WRAP73: variants seen among roughly 807,000 people sequenced by gnomAD.
The protein encoded by WRAP73 is WD repeat-containing protein WRAP73.
A neutral mutation model predicts 59.6 loss-of-function variants in WRAP73; 55 were observed. The ratio of observed to expected loss-of-function variants is 0.92; its 90% CI spans 0.74 to 1.15. The LOEUF (loss-of-function observed/expected upper bound fraction) is 1.15, where lower values mean the gene tolerates loss of function less well. Among genes scored for constraint, WRAP73 ranks in the 50% most tolerant of loss-of-function variants. The pLI, the probability that WRAP73 is intolerant of heterozygous loss-of-function variation, is 0.00. For missense variants in WRAP73, 592 were observed against 608.1 expected (o/e 0.97, Z 0.28); for synonymous variants, 265 against 258.2 (o/e 1.03, Z -0.25).
chr1:3,632,415 T>G, intron 9 of WRAP73, 77 bp from the exon 10 acceptor site: 35 of 1,607,328 alleles, frequency 2.2e-5, no homozygotes, highest in Non-Finnish European at 3.0e-5. Context: ...CTGCTGTGCC[T>G]GCATCGGGCA....
chr1:3,639,231 G>A lies in WRAP73; in HGVS notation c.340-409C>T, dbSNP rs975526736. The stretch of plus-strand genomic sequence containing the variant: ...TCTGGAGATTGGATGCAGCCACTCC[G>A]GGACTCACCAGGGGGCTGTGAGCCT... On this transcript the variant is annotated intron_variant, in intron 3 of 11. Coordinates refer to ENST00000270708, the MANE Select transcript of WRAP73 (RefSeq NM_017818.4). This position sits in a 1 kb window ranked among gnomAD's most constrained non-coding sequence, Gnocchi z 4.3. 3 of 210,310 alleles carry A rather than the reference G, an allele frequency of 1.4e-5. No individual in the cohort carries two copies. Among genetic ancestry groups the A allele is most frequent in the South Asian group, 6.9e-5 (1 of 14,472 alleles). The allele number at this position is 210,310 out of a possible 1,614,324, so 13.0% of individuals were successfully genotyped here.
chr1:3,641,220 G>A (rs1167877538), intron 3 of WRAP73, among the ~76,000 whole-genome samples: 1 of 152,060 alleles, frequency 6.6e-6, no homozygotes, highest in Non-Finnish European at 1.5e-5. Context: ...GGAAGGGGCC[G>A]CTGATCCACG....
chr1:3,632,240 C>A lies in WRAP73; in HGVS notation c.1021G>T (p.Asp341Tyr). 2 of 1,614,096 alleles carry A rather than the reference C, an allele frequency of 1.2e-6. No homozygotes were observed. The highest frequency in any genetic ancestry group is 1.7e-6 in the Non-Finnish European group (2 of 1,179,972). Reference sequence around the variant, plus strand: ...TTCCTTGTCGCCAGGAAGTAGCTGTCAGGACTAAATGCCAGCATTCCTATG... The same window carrying A: ...TTCCTTGTCGCCAGGAAGTAGCTGTAAGGACTAAATGCCAGCATTCCTATG... Reference protein sequence around the residue: ...IGIGMLAFSPDSYFLATRNDN... With the variant: ...IGIGMLAFSPYSYFLATRNDN... The change falls in exon 10 of 12, where the codon GAC (aspartate) becomes TAC (tyrosine). Residue 341 changes from aspartate to tyrosine, a missense_variant. Physicochemically the swap from Asp to Tyr is radical, Grantham distance 160 (BLOSUM62 -3). Transcript: ENST00000270708.
In WRAP73 at chr1:3,636,142, C is replaced by T. The variant is rs548626308; in HGVS notation, c.517-112G>A. On this transcript the variant is annotated intron_variant, in intron 5 of 11. Coordinates refer to ENST00000270708, the MANE Select transcript of WRAP73 (RefSeq NM_017818.4). The stretch of plus-strand genomic sequence containing the variant: ...CTTAATTTCCTTATATAGAAATTGA[C>T]AAAATCTCAACAGCTCTATCCTGGA... The T allele has an allele frequency of 1.4e-4, 110 of 778,116 alleles. 1 individual carries two copies. The South Asian group carries it at 1.6e-3, about 11-fold the overall frequency. The allele number at this position is 778,116 out of a possible 1,614,324, so 48.2% of individuals were successfully genotyped here.
chr1:3,645,691 C>T (rs981646934), intron 3 of WRAP73, among the ~76,000 whole-genome samples: 1 of 152,202 alleles, frequency 6.6e-6, no homozygotes, highest in African/African-American at 2.4e-5. Flanking sequence ...AAAGACACTG[C>T]GGACACCAAA....
At chr1:3,641,362 C>A (rs932026431) in intron 3 of WRAP73, among the ~76,000 whole-genome samples, 6 of 152,114 alleles carry the variant, frequency 3.9e-5, no homozygotes. Context: ...GAGGAACAGG[C>A]CACTGATCCA....
At chr1:3,633,261 A>T (rs1176021366) in intron 9 of WRAP73, 137 bp downstream of exon 9, 3 of 799,800 alleles carry the variant, frequency 3.8e-6, no homozygotes, top group Non-Finnish European at 6.4e-6. Flanking sequence ...CAACAGGCTG[A>T]GGGGCACACT....
intron 3 of WRAP73, among the ~76,000 whole-genome samples, chr1:3,643,103 C>T (rs949498405): frequency 6.6e-6 from 1 of 152,236 alleles, no homozygotes; most frequent in Non-Finnish European, 1.5e-5. Context: ...CGCACACGTC[C>T]AGCAGGCGAG....
intron 4 of WRAP73, 67 bp from the exon 5 acceptor site, chr1:3,637,165 T>G: frequency 7.4e-7 from 1 of 1,350,046 alleles, no homozygotes; most frequent in Non-Finnish European, 1.0e-6. Flanking sequence ...ACCACAGTAG[T>G]AATTCACAAG....
At chr1:3,649,887 G>A (rs1242357286) in intron 1 of WRAP73, 44 bp downstream of exon 1, 2 of 1,562,588 alleles carry the variant, frequency 1.3e-6, no homozygotes, top group South Asian at 1.2e-5. Context: ...GGGGACGCTG[G>A]CACCGAGGAT....
At chr1:3,631,679 AC>A in intron 10 of WRAP73, 22 bp from the exon 11 acceptor site, 1 of 1,573,568 alleles carries the variant, frequency 6.4e-7, no homozygotes, top group Non-Finnish European at 8.6e-7. Context: ...AGGACAGGGC[AC>A]CGGTGTCATC....
Position 3,634,942 on chromosome 1 carries a change from T to C in WRAP73, c.816+55A>G, listed in dbSNP as rs556326149. 4.3e-5 allele frequency: 69 copies of C among 1,594,900 alleles called. No homozygotes were observed. The East Asian group carries it at 1.5e-3, about 35-fold the overall frequency. On this transcript the variant is annotated intron_variant, in intron 8 of 11. Coordinates refer to ENST00000270708, the MANE Select transcript of WRAP73 (RefSeq NM_017818.4). The stretch of plus-strand genomic sequence containing the variant: ...AAGAAAGCAAAGTGAAGGAGCAGTT[T>C]CCCACCGCCCTCCCCAACAGCCTGC...
Position 3,631,469 on chromosome 1 carries a change from C to T in WRAP73, c.1237G>A (p.Glu413Lys). 2 of 1,593,890 alleles carry T rather than the reference C, an allele frequency of 1.3e-6. No homozygotes were observed. The highest frequency in any genetic ancestry group is 1.1e-5 in the South Asian group (1 of 88,666). The change falls in exon 11 of 12, where the codon GAA becomes AAA. Residue 413 changes from glutamate to lysine, a missense_variant. Physicochemically the swap from Glu to Lys is moderately conservative, Grantham distance 56 (BLOSUM62 1). Transcript: ENST00000270708. ...AGCMSVQVPG[E>K]GDFAVLSLCW... ...GTGGCCTCGGGGATGTGCTTACCTT[C>T]CCCAGGCACCTGCACCGACATGCAG...
rs1219211584 is a variant in WRAP73, at chr1:3,639,005, G to A, written c.340-183C>T. 3.4e-5 allele frequency: 20 copies of A among 582,340 alleles called. 1 individual carries two copies. The East Asian group carries it at 4.7e-4, about 14-fold the overall frequency. The allele number at this position is 582,340 out of a possible 1,614,324, so 36.1% of individuals were successfully genotyped here. A position where few individuals can be genotyped will look rare whatever the true frequency, so the allele number is the denominator to read the frequency against. ...CAAATGCGTATTTTACTGTGGTTAC[G>A]GTAAATTTGGTGTTCTTGGTTTTCT... On this transcript the variant is annotated intron_variant, in intron 3 of 11. Transcript: ENST00000270708. This position sits in a 1 kb window ranked among gnomAD's most constrained non-coding sequence, Gnocchi z 4.3.
In WRAP73 at chr1:3,638,794, G is replaced by A. The variant is rs1176692410; in HGVS notation, c.368C>T (p.Thr123Ile). Reference sequence around the variant, plus strand: ...GTATTTGATGTAAGACACGGATTTTGTGCACAAGGACCAGACGGTTATCCG... The same window carrying A: ...GTATTTGATGTAAGACACGGATTTTATGCACAAGGACCAGACGGTTATCCG... ...HLRITVWSLC[T>I]KSVSYIKYPK... Residue 123 changes from threonine (T) to isoleucine (I), a missense_variant, in exon 4 of 12, where the codon ACA (threonine) becomes ATA (isoleucine). Physicochemically the swap from Thr to Ile is moderately conservative, Grantham distance 89. Coordinates refer to ENST00000270708, the MANE Select transcript of WRAP73 (RefSeq NM_017818.4). The A allele has an allele frequency of 6.2e-7, 1 of 1,614,174 alleles. No homozygotes were observed. The highest frequency in any genetic ancestry group is 2.2e-5 in the East Asian group (1 of 44,890).
chr1:3,637,674 T>C (rs1557458345), intron 4 of WRAP73, among the ~76,000 whole-genome samples: 1 of 152,062 alleles, frequency 6.6e-6, no homozygotes, highest in Non-Finnish European at 1.5e-5. Flanking sequence ...AAACCCCATC[T>C]CTACAAAATA....
chr1:3,631,263 T>C, intron 11 of WRAP73, 146 bp from the exon 12 acceptor site: 1 of 1,400,596 alleles, frequency 7.1e-7, no homozygotes, highest in Non-Finnish European at 9.7e-7. Context: ...CTGCCTCAAG[T>C]CAGGGAGAGG....
In WRAP73 at chr1:3,646,590, C is replaced by G. The variant is rs923446891; in HGVS notation, c.339+76G>C. On this transcript the variant is annotated intron_variant, in intron 3 of 11. Coordinates refer to ENST00000270708, the MANE Select transcript of WRAP73 (RefSeq NM_017818.4). The surrounding 1 kb of genome is among the most constrained non-coding windows in gnomAD (Gnocchi z 5.1). ...CTAGCATACTCCAAACACACCCCCTCTCGCACTCCCCAGCTGTTTCGAGAG... is the reference window on the plus strand; with the variant it reads ...CTAGCATACTCCAAACACACCCCCTGTCGCACTCCCCAGCTGTTTCGAGAG... 1.6e-6 allele frequency: 2 copies of G among 1,266,282 alleles called. No homozygotes were observed. The highest frequency in any genetic ancestry group is 3.0e-5 in the African/African-American group (2 of 66,556). The allele number at this position is 1,266,282 out of a possible 1,614,324, so 78.4% of individuals were successfully genotyped here. A position where few individuals can be genotyped will look rare whatever the true frequency, so the allele number is the denominator to read the frequency against.
intron 9 of WRAP73, 23 bp downstream of exon 9, chr1:3,633,375 A>C: frequency 6.3e-7 from 1 of 1,589,534 alleles, no homozygotes; most frequent in Non-Finnish European, 8.6e-7. Flanking sequence ...AGGAAAACAA[A>C]TGACATCACA....
Sources: gnomAD v4.1 joint callset for allele counts (sites outside exome capture counted in the v4.1 genomes callset) on GRCh38, gnomAD v4.1.1 for gene constraint, Gnocchi (gnomAD v3.1) non-coding constraint, MANE v1.5 for transcripts, NCBI Gene and HGNC (gene_info 2026-07-23, HGNC 2026-07-21) for gene names.